The following OCRL variants were observed in gnomAD, a reference collection of about 807,000 sequenced individuals.
OCRL encodes the protein OCRL inositol polyphosphate-5-phosphatase, also known as inositol polyphosphate 5-phosphatase OCRL.
A neutral mutation model predicts 78.9 loss-of-function variants in OCRL; 8 were observed. The observed-to-expected ratio is 0.10, with a 90% CI of 0.06 to 0.18. The LOEUF is 0.18. OCRL is among the 10% of genes least tolerant of loss of function. OCRL has a pLI of 1.00. For synonymous variants in OCRL, 240 were observed against 235.4 expected, an observed-to-expected ratio of 1.02 and a Z score of -0.18; for missense variants, 454 against 696.7, an observed-to-expected ratio of 0.65 and a Z score of 3.92.
At chrX:129,558,014 G>A (rs1419455857) in intron 6 of OCRL, 64 bp downstream of exon 6, 2 of 694,514 alleles carry the variant, frequency 2.9e-6, no homozygotes, top group African/African-American at 4.3e-5. Flanking sequence ...ATTTTGTCAG[G>A]CCAAATATGG....
chrX:129,566,000 C>T (rs1243205229), intron 13 of OCRL, 117 bp downstream of exon 13: 1 of 524,933 alleles, frequency 1.9e-6, no homozygotes, highest in Non-Finnish European at 3.3e-6. Flanking sequence ...CTTGTGAAAA[C>T]AGTGTGACTA....
chrX:129,554,995 AT>A (rs1569458291), intron 4 of OCRL, among the ~76,000 whole-genome samples: 1,104 of 106,291 alleles, frequency 0.01, 14 homozygotes, highest in African/African-American at 0.035. Flanking sequence ...AAATAAATAA[AT>A]AAATAAAAAT....
At chrX:129,546,975 T>C (rs1935887344) in intron 3 of OCRL, among the ~76,000 whole-genome samples, 1 of 111,210 alleles carries the variant, frequency 9.0e-6, no homozygotes, top group South Asian at 3.9e-4. Flanking sequence ...TCCCAACATT[T>C]TGGGAAGCTG....
At chrX:129,565,413 C>G (rs1028402542) in intron 12 of OCRL, among the ~76,000 whole-genome samples, 7 of 112,151 alleles carry the variant, frequency 6.2e-5, no homozygotes, top group African/African-American at 2.3e-4. Context: ...AGAAAACGTT[C>G]AGATTCTCTT....
At chrX:129,570,279 T>TG (rs1936281966) in intron 15 of OCRL, among the ~76,000 whole-genome samples, 1 of 112,204 alleles carries the variant, frequency 8.9e-6, no homozygotes, top group South Asian at 3.7e-4. Context: ...AGTAGACTTC[T>TG]GGGATTTGCA....
chrX:129,590,068 C>T, intron 23 of OCRL, 78 bp from the exon 24 acceptor site: 4 of 1,195,865 alleles, frequency 3.3e-6, no homozygotes, highest in Non-Finnish European at 4.5e-6. Flanking sequence ...AGTCCTTGTC[C>T]CCAGGCCCTC....
At chrX:129,551,458 G>A (rs12389436) in intron 4 of OCRL, among the ~76,000 whole-genome samples, 458 of 111,706 alleles carry the variant, frequency 4.1e-3, no homozygotes, top group African/African-American at 0.013. Flanking sequence ...TTTTTGAGAT[G>A]GAGTCTTGCT....
At chrX:129,585,148 AT>A (rs1289931881) in intron 19 of OCRL, among the ~76,000 whole-genome samples, 2 of 112,795 alleles carry the variant, frequency 1.8e-5, no homozygotes, top group Non-Finnish European at 3.7e-5. Flanking sequence ...TTGTGAAATT[AT>A]TCAAGTATTT....
intron 18 of OCRL, among the ~76,000 whole-genome samples, chrX:129,581,831 TTCTCTCTCTCTCTC>T (rs753415077): frequency 6.1e-5 from 4 of 65,598 alleles, no homozygotes; most frequent in Non-Finnish European, 7.6e-5. Context: ...CCCTTTGTCT[TTCTCTCTCTCTCTC>T]TCTCTCTCTC....
rs1031852097 is a variant in OCRL, at chrX:129,571,334, T to G, written c.1602+1935T>G. Among the ~76,000 whole-genome samples, 3 of 109,201 alleles carry G rather than the reference T, an allele frequency of 2.7e-5. No individual in the cohort carries two copies. The Admixed American group carries it at 2.9e-4, about 11-fold the overall frequency. 94.8% of individuals were successfully genotyped at this position (109,201 alleles called of 115,157 possible). A position where few individuals can be genotyped will look rare whatever the true frequency, so the allele number is the denominator to read the frequency against. ...ATTTCTTTTCAAAACCTTCAGATTTTTTTGTTTGTTTTTGTTTTTTGTTTT... is the reference window on the plus strand; with the variant it reads ...ATTTCTTTTCAAAACCTTCAGATTTGTTTGTTTGTTTTTGTTTTTTGTTTT... On this transcript the variant is annotated intron_variant, in intron 15 of 23. Transcript: ENST00000371113.
intron 18 of OCRL, among the ~76,000 whole-genome samples, chrX:129,582,470 A>C (rs1179024456): frequency 8.9e-6 from 1 of 112,432 alleles, no homozygotes; most frequent in African/African-American, 3.2e-5. Flanking sequence ...CTGGTTCGAC[A>C]GGTTAGTATA....
In OCRL at chrX:129,588,880, A is replaced by C. The variant is rs1316777955; in HGVS notation, c.2342-6A>C. 1 of 1,211,294 alleles carries C rather than the reference A, an allele frequency of 8.3e-7. No homozygotes were observed. Among genetic ancestry groups the C allele is most frequent in the Non-Finnish European group, 1.1e-6 (1 of 895,394 alleles). On this transcript the variant is annotated splice_polypyrimidine_tract_variant and splice_region_variant and intron_variant, in intron 21 of 23. Transcript: ENST00000371113. ...AGCTCCTTTCCCTTGACTTAAGTTG[A>C]TTCAGCTGGCAGCAACCACTCTGTG...
At chrX:129,560,478 C>A in intron 8 of OCRL, 72 bp from the exon 9 acceptor site, 1 of 678,395 alleles carries the variant, frequency 1.5e-6, no homozygotes, top group Non-Finnish European at 2.4e-6. Flanking sequence ...TGTATGGAAG[C>A]GAAAAGAAAG....
intron 8 of OCRL, among the ~76,000 whole-genome samples, chrX:129,559,728 A>T (rs761773595): frequency 9.0e-6 from 1 of 111,564 alleles, no homozygotes; most frequent in Non-Finnish European, 1.9e-5. Flanking sequence ...GTAAATAAAG[A>T]AAGTTTCACC....
Position 129,540,494 on chromosome X carries a change from A to G in OCRL, c.39+16A>G, listed in dbSNP as rs1242261409. 2 of 1,098,023 alleles carry G rather than the reference A, an allele frequency of 1.8e-6. No homozygotes were observed. The highest frequency in any genetic ancestry group is 3.8e-5 in the African/African-American group (2 of 52,597). 90.5% of individuals were successfully genotyped at this position (1,098,023 alleles called of 1,213,427 possible). A position where few individuals can be genotyped will look rare whatever the true frequency, so the allele number is the denominator to read the frequency against. Reference sequence around the variant, plus strand: ...GCCGCTTGCCGTATCCGCCGGAGAGAAGGGAGAGGGGAGGCCGCGCAGGGC... The same window carrying G: ...GCCGCTTGCCGTATCCGCCGGAGAGGAGGGAGAGGGGAGGCCGCGCAGGGC... On this transcript the variant is annotated intron_variant, in intron 1 of 23. Coordinates refer to ENST00000371113, the MANE Select transcript of OCRL (RefSeq NM_000276.4).
intron 15 of OCRL, among the ~76,000 whole-genome samples, chrX:129,573,714 C>T (rs1016450148): frequency 2.7e-5 from 3 of 111,056 alleles, no homozygotes; most frequent in Non-Finnish European, 3.8e-5. Context: ...ACCACCATGC[C>T]TGGCTAATTT....
At chrX:129,570,869 A>G (rs1170535425) in intron 15 of OCRL, among the ~76,000 whole-genome samples, 1 of 112,521 alleles carries the variant, frequency 8.9e-6, no homozygotes, top group African/African-American at 3.2e-5. Context: ...AGGATGTGAA[A>G]CCCACGTATA....
chrX:129,571,294 G>A (rs925088615), intron 15 of OCRL, among the ~76,000 whole-genome samples: 3 of 109,467 alleles, frequency 2.7e-5, no homozygotes, highest in Admixed American at 9.7e-5. Flanking sequence ...AGGTATGCCT[G>A]GCTTTTTTGT....
chrX:129,577,475 T>G, intron 18 of OCRL, among the ~76,000 whole-genome samples: 1 of 112,165 alleles, frequency 8.9e-6, no homozygotes, highest in Non-Finnish European at 1.9e-5. Flanking sequence ...ATATTCTTGG[T>G]TTTTTTACCA....
Sources: allele counts gnomAD v4.1 joint callset (sites outside exome capture counted in the v4.1 genomes callset), GRCh38; gene constraint gnomAD v4.1.1; transcripts MANE v1.5; gene names NCBI Gene and HGNC (gene_info 2026-07-23, HGNC 2026-07-21).